The following MTUS2 variants were observed in gnomAD, a reference collection of about 807,000 sequenced individuals.
The protein encoded by MTUS2 is microtubule associated scaffold protein 2.
A neutral mutation model predicts 114.1 loss-of-function variants in MTUS2; 40 were observed. The ratio of observed to expected loss-of-function variants is 0.35; its 90% CI spans 0.27 to 0.46. MTUS2 has a LOEUF of 0.46. Ranked by LOEUF, MTUS2 falls within the 20% of genes least tolerant of loss-of-function variation. The pLI is 1.00. For synonymous variants in MTUS2, 688 were observed against 672.0 expected, an observed-to-expected ratio of 1.02 and a Z score of -0.37; for missense variants, 1,679 against 1,705.4, an observed-to-expected ratio of 0.98 and a Z score of 0.27.
chr13:29,217,277 TA>T (rs1202846252), intron 5 of MTUS2, among the ~76,000 whole-genome samples: 19 of 152,220 alleles, frequency 1.2e-4, no homozygotes, highest in African/African-American at 4.3e-4. Flanking sequence ...CATGATCCAT[TA>T]TTTTTGAAAT....
chr13:29,256,354 G>A lies in MTUS2; in HGVS notation c.2645-25350G>A, dbSNP rs576727877. Among the ~76,000 whole-genome samples the A allele has an allele frequency of 2.6e-5, 4 of 152,198 alleles. No homozygotes were observed. In the South Asian group the frequency reaches 6.2e-4, roughly 24 times the overall value. ...TCCTGGGCTGGCTTATCAGGGAAGC[G>A]CAGTGGTCAGGACTGAGACACTGAA... On this transcript the variant is annotated intron_variant, in intron 5 of 15. Coordinates refer to ENST00000612955, the MANE Select transcript of MTUS2 (RefSeq NM_001033602.4).
At chr13:29,301,169 C>G (rs566702972) in intron 6 of MTUS2, among the ~76,000 whole-genome samples, 1 of 152,212 alleles carries the variant, frequency 6.6e-6, no homozygotes, top group Non-Finnish European at 1.5e-5. Flanking sequence ...CCCCCCACCC[C>G]GAACTGTTGG....
chr13:29,360,807 C>G (rs1452391820), intron 8 of MTUS2, among the ~76,000 whole-genome samples: 1 of 150,982 alleles, frequency 6.6e-6, no homozygotes, highest in Non-Finnish European at 1.5e-5. Flanking sequence ...CGTCGTATTT[C>G]CCACTGACTG....
At chr13:29,126,257 A>G (rs1891510987) in intron 5 of MTUS2, among the ~76,000 whole-genome samples, 1 of 152,096 alleles carries the variant, frequency 6.6e-6, no homozygotes, top group Non-Finnish European at 1.5e-5. Flanking sequence ...AGTAACCTTC[A>G]ATCCCATGTG....
At chr13:29,206,682 T>C (rs1162148715) in intron 5 of MTUS2, among the ~76,000 whole-genome samples, 1 of 152,198 alleles carries the variant, frequency 6.6e-6, no homozygotes, top group Non-Finnish European at 1.5e-5. Flanking sequence ...CTCCACTTTA[T>C]ATTTTTGTTT....
intron 2 of MTUS2, among the ~76,000 whole-genome samples, chr13:28,873,307 T>TCA (rs1175133978): frequency 6.6e-6 from 1 of 152,206 alleles, no homozygotes; most frequent in African/African-American, 2.4e-5. Context: ...GATGTTTTTC[T>TCA]CACATCTCTT....
At chr13:29,295,328 T>C in intron 6 of MTUS2, among the ~76,000 whole-genome samples, 1 of 152,180 alleles carries the variant, frequency 6.6e-6, no homozygotes, top group East Asian at 1.9e-4. Context: ...TGTTGTTAAT[T>C]ACAGTCATCT....
rs56164752 is a variant in MTUS2, at chr13:29,365,510, T to TTGTGTGTGTGTGTGTGTGTGTGTGTGTG, written c.3117+6056_3117+6057insGTGTGTGTGTGTGTGTGTGTGTGTGTGT. ...CATCAATACGTTTTTTTGTTTGGGT[T>TTGTGTGTGTGTGTGTGTGTGTGTGTGTG]TGTGTGTGTGTGTGTGTGTAATTAA... On this transcript the variant is annotated intron_variant, in intron 8 of 15. Transcript: ENST00000612955. Among the ~76,000 whole-genome samples, 65 of 146,936 alleles carry TTGTGTGTGTGTGTGTGTGTGTGTGTGTG rather than the reference T, an allele frequency of 4.4e-4. 1 individual carries two copies. Among genetic ancestry groups the TTGTGTGTGTGTGTGTGTGTGTGTGTGTG allele is most frequent in the African/African-American group, 8.3e-4 (33 of 39,862 alleles).
At chr13:28,882,058 T>C (rs1878322677) in intron 2 of MTUS2, among the ~76,000 whole-genome samples, 1 of 152,114 alleles carries the variant, frequency 6.6e-6, no homozygotes, top group Admixed American at 6.6e-5. Context: ...TGTACAAAAA[T>C]TATTTCAATT....
At chr13:29,105,499 T>C (rs1316200334) in intron 5 of MTUS2, among the ~76,000 whole-genome samples, 1 of 152,152 alleles carries the variant, frequency 6.6e-6, no homozygotes. Context: ...ATGAAGAATA[T>C]GATATTTGCA....
chr13:29,198,308 A>G (rs1000765853), intron 5 of MTUS2, among the ~76,000 whole-genome samples: 1 of 152,202 alleles, frequency 6.6e-6, no homozygotes, highest in African/African-American at 2.4e-5. Flanking sequence ...TTTTCCCAAC[A>G]CTATTTATTA....
intron 5 of MTUS2, among the ~76,000 whole-genome samples, chr13:29,207,842 T>C (rs1015108568): frequency 3.3e-5 from 5 of 152,148 alleles, no homozygotes; most frequent in South Asian, 2.1e-4. Context: ...TTGTTGAGGA[T>C]TTTTGCATCT....
At chr13:29,212,759 CCA>C (rs1271568953) in intron 5 of MTUS2, among the ~76,000 whole-genome samples, 1 of 152,256 alleles carries the variant, frequency 6.6e-6, no homozygotes, top group East Asian at 1.9e-4. Flanking sequence ...GCTTGTGTCC[CCA>C]CAGAGAGAGG....
At chr13:29,217,195 A>T (rs1895715333) in intron 5 of MTUS2, among the ~76,000 whole-genome samples, 1 of 151,988 alleles carries the variant, frequency 6.6e-6, no homozygotes, top group African/African-American at 2.4e-5. Flanking sequence ...TTGTACCTAT[A>T]CTTAAAATAT....
Position 29,503,165 on chromosome 13 carries a change from G to A in MTUS2, c.4069G>A (p.Gly1357Arg), listed in dbSNP as rs1186922753. 5.0e-6 allele frequency: 8 copies of A among 1,614,176 alleles called. No individual in the cohort carries two copies. The highest frequency in any genetic ancestry group is 1.7e-5 in the Admixed American group (1 of 60,018). The change falls in exon 16 of 16, where the codon GGG becomes AGG. Residue 1357 changes from glycine to arginine, a missense_variant. Physicochemically the swap from Gly to Arg is moderately radical, Grantham distance 125 (BLOSUM62 -2). Around this residue, in one of 3 missense-constraint regions of MTUS2, gnomAD observed 822 missense variants for 899.7 expected, o/e 0.91. Transcript: ENST00000612955. ...TCCCGTTTACCGCGGCTCCTCCTCG[G>A]GGCCCTCCTCTCCGGCCAGAGTCAG... ...TSPVYRGSSS[G>R]PSSPARVSTT...
Position 28,928,790 on chromosome 13 carries a change from G to A in MTUS2, c.-243+88940G>A, listed in dbSNP as rs574727301. Among the ~76,000 whole-genome samples the A allele has an allele frequency of 1.1e-4, 16 of 152,216 alleles. No homozygotes were observed. The South Asian group carries it at 2.9e-3, about 28-fold the overall frequency. ...GAGATATTTGCATTCCCATGTTTAC[G>A]GCAGCATTATTCACAAAAACCAAAG... On this transcript the variant is annotated intron_variant, in intron 2 of 15. Coordinates refer to ENST00000612955, the MANE Select transcript of MTUS2 (RefSeq NM_001033602.4).
intron 6 of MTUS2, among the ~76,000 whole-genome samples, chr13:29,309,762 T>C (rs530268719): frequency 6.6e-6 from 1 of 152,132 alleles, no homozygotes; most frequent in African/African-American, 2.4e-5. Flanking sequence ...GGCATTATGC[T>C]AAGCACTTAT....
chr13:28,910,390 C>T (rs1439726061), intron 2 of MTUS2, among the ~76,000 whole-genome samples: 1 of 151,914 alleles, frequency 6.6e-6, no homozygotes, highest in Non-Finnish European at 1.5e-5. Flanking sequence ...TTTTCCCCAC[C>T]TTTTAAGTTC....
intron 5 of MTUS2, among the ~76,000 whole-genome samples, chr13:29,257,952 C>T (rs1353725794): frequency 6.6e-6 from 1 of 152,182 alleles, no homozygotes; most frequent in African/African-American, 2.4e-5. Flanking sequence ...CAGTCTTGTC[C>T]CTCTCCTGCA....
Sources: allele counts gnomAD v4.1 joint callset (sites outside exome capture counted in the v4.1 genomes callset), GRCh38; gene constraint gnomAD v4.1.1; regional missense constraint gnomAD v4.1.1; transcripts MANE v1.5; gene names NCBI Gene and HGNC (gene_info 2026-07-23, HGNC 2026-07-21).